The following TRMT2B variants were observed in gnomAD, a reference collection of about 807,000 sequenced individuals.
TRMT2B encodes tRNA methyltransferase 2B.
A neutral mutation model predicts 39.7 loss-of-function variants in TRMT2B; 34 were observed. That is an observed-to-expected ratio of 0.86 (90% CI 0.65 to 1.14). The LOEUF (loss-of-function observed/expected upper bound fraction) is 1.14, where lower values mean the gene tolerates loss of function less well. TRMT2B is among the 50% of genes most tolerant of loss of function. The pLI is 0.00. For missense variants in TRMT2B, 318 were observed against 377.2 expected (o/e 0.84, Z 1.30); for synonymous variants, 132 against 137.3 (o/e 0.96, Z 0.27).
chrX:101,033,071 C>T (rs2087596087), intron 7 of TRMT2B, among the ~76,000 whole-genome samples: 1 of 108,442 alleles, frequency 9.2e-6, no homozygotes, highest in Admixed American at 1.0e-4. Context: ...GCCTGGCCAA[C>T]ATGGTGAAAC....
At chrX:100,987,590 G>A in the TRMT2B span, 1 of 1,197,112 alleles carries the variant, frequency 8.4e-7, no homozygotes, top group Non-Finnish European at 1.1e-6. Flanking sequence ...TTGCTGATAA[G>A]AAAAGCTGCA....
In TRMT2B at chrX:101,042,270, C is replaced by T. The variant is rs774537372; in HGVS notation, c.20G>A (p.Arg7Lys). The change falls in exon 3 of 14, where the codon AGA (arginine) becomes AAA (lysine). Residue 7 changes from arginine (R) to lysine (K), a missense_variant. Arg to Lys is a conservative substitution (Grantham distance 26). Transcript: ENST00000372936. The stretch of plus-strand genomic sequence containing the variant: ...GTATCTGAGGCTGTGCAGTGGGACT[C>T]TTCTCTTAAGGCCTGCCATCCAAAG... MAGLKR[R>K]VPLHSLRYFI... 4 of 1,210,970 alleles carry T rather than the reference C, an allele frequency of 3.3e-6. No individual in the cohort carries two copies. The Admixed American group carries it at 8.7e-5, about 26-fold the overall frequency.
the TRMT2B span, chrX:100,988,265 TC>T: frequency 8.3e-7 from 1 of 1,209,406 alleles, no homozygotes; most frequent in Non-Finnish European, 1.1e-6. Flanking sequence ...AAGCTAAGCC[TC>T]TAAAGTCAAT....
In TRMT2B at chrX:101,025,873, C is replaced by T. The variant is rs1182516732; in HGVS notation, c.610-2257G>A. Among the ~76,000 whole-genome samples, 3 of 110,166 alleles carry T rather than the reference C, an allele frequency of 2.7e-5. No homozygotes were observed. In the East Asian group the frequency reaches 8.6e-4, roughly 32 times the overall value. ...ACTTGGGAGGCTGAGGCAGAAGAAT[C>T]GCTTGAACCTGGAGGTTGTAGTGAG... On this transcript the variant is annotated intron_variant, in intron 7 of 13. Transcript: ENST00000372936.
intron 13 of TRMT2B, among the ~76,000 whole-genome samples, chrX:101,012,607 A>G (rs1244846504): frequency 9.1e-6 from 1 of 109,606 alleles, no homozygotes; most frequent in African/African-American, 3.3e-5. Context: ...TTTACTGAGA[A>G]TGATGATAAA....
intron 7 of TRMT2B, among the ~76,000 whole-genome samples, chrX:101,025,785 C>A (rs981540703): frequency 9.1e-6 from 1 of 110,394 alleles, no homozygotes; most frequent in Non-Finnish European, 1.9e-5. Flanking sequence ...ATGGCAAAAC[C>A]CCGTCTCTAC....
chrX:100,990,507 A>G, the TRMT2B span: 57 of 1,077,492 alleles, frequency 5.3e-5, no homozygotes, highest in Non-Finnish European at 6.6e-5. Flanking sequence ...AACTCCACCT[A>G]CTCTAATATC....
At position 101,010,083 on chromosome X, in the gene TRMT2B, C is replaced by T. The variant is rs1000936398; in HGVS notation, c.*498G>A. The T allele has an allele frequency of 1.8e-5, 2 of 112,279 alleles. No individual in the cohort carries two copies. The highest frequency in any genetic ancestry group is 9.5e-5 in the Admixed American group (1 of 10,529). 9.3% of individuals were successfully genotyped at this position (112,279 alleles called of 1,213,427 possible). A position where few individuals can be genotyped will look rare whatever the true frequency, so the allele number is the denominator to read the frequency against. On this transcript the variant is annotated 3_prime_UTR_variant, in exon 14 of 14. Coordinates refer to ENST00000372936, the MANE Select transcript of TRMT2B (RefSeq NM_024917.6). ...TGGGGAGTGGTCAAACCCAAGCAAACGGGCATGATTGAAAGGGAATCTGAA... is the reference window on the plus strand; with the variant it reads ...TGGGGAGTGGTCAAACCCAAGCAAATGGGCATGATTGAAAGGGAATCTGAA...
At chrX:100,988,452 T>C in the TRMT2B span, 1,207 of 1,195,251 alleles carry the variant, frequency 1.0e-3, 11 homozygotes, top group African/African-American at 0.019. Flanking sequence ...TGAAAGAAGG[T>C]GAATGTTCTA....
the TRMT2B span, among the ~76,000 whole-genome samples, chrX:100,988,851 CATATATATATATATATATATAT>C: frequency 3.8e-5 from 3 of 79,688 alleles, no homozygotes; most frequent in African/African-American, 1.5e-4. Flanking sequence ...TAATATATCT[CATATATATATATATATATATAT>C]ATATATATCA....
Position 101,023,569 on chromosome X carries a change from T to C in TRMT2B, c.657A>G (p.Val219=), listed in dbSNP as rs61745518. The C allele has an allele frequency of 3.4e-3, 4,166 of 1,208,620 alleles. 95 individuals are homozygous for C. In the African/African-American group the frequency reaches 0.065, roughly 19 times the overall value. ...CACGCCAGTATCCACCTTCATGAAATACAAGGCAGGGCTCCAATGGAGACT... is the reference window on the plus strand; with the variant it reads ...CACGCCAGTATCCACCTTCATGAAACACAAGGCAGGGCTCCAATGGAGACT... ...LRQSPLEPCL[V]FHEGGYWREL... Residue 219 remains valine (V), a synonymous_variant, in exon 8 of 14, where the codon GTA becomes GTG. Coordinates refer to ENST00000372936, the MANE Select transcript of TRMT2B (RefSeq NM_024917.6).
the TRMT2B span, among the ~76,000 whole-genome samples, chrX:101,002,779 C>CA: frequency 7.9e-3 from 487 of 61,786 alleles, 5 homozygotes; most frequent in East Asian, 0.019. Context: ...AACTCTGTCT[C>CA]AAAAAAAAAA....
chrX:101,028,112 C>CTTTT (rs1161374681), intron 7 of TRMT2B, among the ~76,000 whole-genome samples: 21 of 78,430 alleles, frequency 2.7e-4, no homozygotes, highest in African/African-American at 4.0e-4. Flanking sequence ...ACTTCTTGCT[C>CTTTT]TTTTTTTTTT....
At position 101,037,051 on chromosome X, in the gene TRMT2B, T is replaced by C. The variant is rs1240163277; in HGVS notation, c.461A>G (p.Asn154Ser). The change falls in exon 6 of 14, where the codon AAT becomes AGT. Residue 154 changes from asparagine to serine, a missense_variant. Asn to Ser is a conservative substitution (Grantham distance 46, BLOSUM62 1). Coordinates refer to ENST00000372936, the MANE Select transcript of TRMT2B (RefSeq NM_024917.6). ...IPSPVINGYR[N>S]KSTFSVNRGP... ...TCGGTTCACAGAGAAGGTGGACTTA[T>C]TTCGGTAACCATTGATGACAGGCTG... is the stretch of plus-strand genomic sequence containing the variant. 1 of 1,210,545 alleles carries C rather than the reference T, an allele frequency of 8.3e-7. No homozygotes were observed. The highest frequency in any genetic ancestry group is 3.0e-5 in the East Asian group (1 of 33,846).
the TRMT2B span, chrX:100,990,725 A>C: frequency 1.7e-6 from 1 of 584,023 alleles, no homozygotes. Flanking sequence ...ATCAACCAAA[A>C]CTGAGCCTTA....
At chrX:100,973,673 A>T in the TRMT2B span, 3 of 1,205,980 alleles carry the variant, frequency 2.5e-6, no homozygotes, top group Admixed American at 6.5e-5. Context: ...CTTAATATTT[A>T]AGAACTAAGA....
At chrX:100,975,447 G>C in the TRMT2B span, among the ~76,000 whole-genome samples, 1 of 111,189 alleles carries the variant, frequency 9.0e-6, no homozygotes, top group Non-Finnish European at 1.9e-5. Context: ...ACATCATCAG[G>C]CAATTGCAAG....
the TRMT2B span, chrX:100,990,438 C>G: frequency 4.1e-6 from 4 of 966,225 alleles, no homozygotes; most frequent in Non-Finnish European, 5.2e-6. Context: ...ATCTCCAGAA[C>G]TATCAGGACT....
the TRMT2B span, among the ~76,000 whole-genome samples, chrX:100,977,369 C>CTTTTTTTT: frequency 1.6e-4 from 9 of 56,470 alleles, 2 homozygotes; most frequent in African/African-American, 6.5e-4. Flanking sequence ...CTACTCTCTT[C>CTTTTTTTT]TTTTTTTTTT....
Sources: gnomAD v4.1 joint callset for allele counts (sites outside exome capture counted in the v4.1 genomes callset) on GRCh38, gnomAD v4.1.1 for gene constraint, MANE v1.5 for transcripts, NCBI Gene and HGNC (gene_info 2026-07-23, HGNC 2026-07-21) for gene names.